GAD1: variants seen among roughly 807,000 people sequenced by gnomAD.
GAD1 encodes glutamate decarboxylase 1, also known as 67 kDa glutamic acid decarboxylase.
A neutral mutation model predicts 75.2 loss-of-function variants in GAD1; 35 were observed. That is an observed-to-expected ratio of 0.47 (90% CI 0.36 to 0.62). GAD1 has a LOEUF of 0.62. GAD1 is among the 20% of genes least tolerant of loss of function. The pLI is 0.00. For synonymous variants in GAD1, 257 were observed against 271.9 expected (o/e 0.95, Z 0.54); for missense variants, 490 against 758.5 (o/e 0.65, Z 4.16).
At chr2:170,848,771 A>G (rs1193857659) in intron 11 of GAD1, 1 of 518,994 alleles carries the variant, frequency 1.9e-6, no homozygotes, top group Non-Finnish European at 3.8e-6. Flanking sequence ...TGGCATCCCA[A>G]CTATTCAGTA....
chr2:170,822,200 C>T, intron 3 of GAD1, 51 bp downstream of exon 3: 1 of 1,499,294 alleles, frequency 6.7e-7, no homozygotes, highest in Non-Finnish European at 9.2e-7. Context: ...GCGGGCGGAC[C>T]TTTGGGGCTT....
At chr2:170,852,440 T>A (rs929882066) in intron 12 of GAD1, 2 of 472,356 alleles carry the variant, frequency 4.2e-6, no homozygotes, top group Non-Finnish European at 7.8e-6. Context: ...ACCATATTGA[T>A]ATAATACCTG....
chr2:170,853,803 G>T lies in GAD1; in HGVS notation c.1264-70G>T. The stretch of plus-strand genomic sequence containing the variant: ...GACCCCAAGCCCCTCCTTCCAAGCA[G>T]CCTAGTTTTAAAGCCACCCACATCT... On this transcript the variant is annotated intron_variant, in intron 13 of 16. Transcript: ENST00000358196. The surrounding 1 kb of genome is among the most constrained non-coding windows in gnomAD (Gnocchi z 4.1). 1 of 1,532,048 alleles carries T rather than the reference G, an allele frequency of 6.5e-7. No individual in the cohort carries two copies. The highest frequency in any genetic ancestry group is 9.0e-7 in the Non-Finnish European group (1 of 1,106,402). The allele number at this position is 1,532,048 out of a possible 1,614,324, so 94.9% of individuals were successfully genotyped here.
At chr2:170,851,598 A>C (rs1043833524) in intron 12 of GAD1, among the ~76,000 whole-genome samples, 1 of 152,242 alleles carries the variant, frequency 6.6e-6, no homozygotes, top group African/African-American at 2.4e-5. Context: ...TAGGGAGAGC[A>C]GAGGCAGGAT....
intron 3 of GAD1, among the ~76,000 whole-genome samples, chr2:170,825,111 C>T (rs1361272028): frequency 6.6e-6 from 1 of 152,058 alleles, no homozygotes; most frequent in Non-Finnish European, 1.5e-5. Context: ...AAAAAGAAGT[C>T]ATGGTGGCTC....
At chr2:170,849,776 G>A (rs183610219) in intron 12 of GAD1, among the ~76,000 whole-genome samples, 8 of 152,338 alleles carry the variant, frequency 5.3e-5, no homozygotes, top group Non-Finnish European at 8.8e-5. Flanking sequence ...ACAATTGCAG[G>A]TACCCAGGTA....
chr2:170,823,780 T>C (rs1350864404), intron 3 of GAD1, among the ~76,000 whole-genome samples: 1 of 151,936 alleles, frequency 6.6e-6, no homozygotes, highest in Admixed American at 6.6e-5. Context: ...CAGGCAGAAC[T>C]GAGCGAGCCC....
chr2:170,838,632 A>G (rs190857142), intron 6 of GAD1, among the ~76,000 whole-genome samples: 4 of 152,168 alleles, frequency 2.6e-5, no homozygotes, highest in Non-Finnish European at 4.4e-5. Flanking sequence ...ATGTATATAT[A>G]TGTCTCCAAT....
intron 12 of GAD1, among the ~76,000 whole-genome samples, chr2:170,851,849 C>A (rs1456229936): frequency 1.3e-5 from 2 of 152,158 alleles, no homozygotes; most frequent in African/African-American, 2.4e-5. Flanking sequence ...GCTTGTTAAG[C>A]TATCATTGCA....
Position 170,846,020 on chromosome 2 carries a change from T to A in GAD1, c.959T>A (p.Ile320Asn), listed in dbSNP as rs771879401. 6.2e-7 allele frequency: 1 copy of A among 1,613,502 alleles called. No individual in the cohort carries two copies. The highest frequency in any genetic ancestry group is 8.5e-7 in the Non-Finnish European group (1 of 1,179,538). Reference sequence around the variant, plus strand: ...TCCAATAATTATAGGGGGAAAATAATTCCAGCTGATTTTGAGGCAAAAATT... The same window carrying A: ...TCCAATAATTATAGGGGGAAAATAAATCCAGCTGATTTTGAGGCAAAAATT... The part of the protein sequence containing the change: ...LIKCNERGKI[I>N]PADFEAKILE... The change falls in exon 10 of 17, where the codon ATT becomes AAT. Residue 320 changes from isoleucine (I) to asparagine (N), a missense_variant. Physicochemically the swap from Ile to Asn is moderately radical, Grantham distance 149 (BLOSUM62 -3). Transcript: ENST00000358196.
At chr2:170,855,746 G>A (rs1020573871) in intron 14 of GAD1, among the ~76,000 whole-genome samples, 2 of 151,564 alleles carry the variant, frequency 1.3e-5, no homozygotes, top group African/African-American at 2.4e-5. Context: ...GATGACGCAT[G>A]CCTGTGGTCC....
rs1020743530 is a variant in GAD1 at position 170,860,880 on chromosome 2, T to G, written c.*998T>G. Reference sequence around the variant, plus strand: ...ATCTGCTCTTCTCTTACGCTCTCTGTCTGGCTGTACGTCTGGTGTTCTCAA... The same window carrying G: ...ATCTGCTCTTCTCTTACGCTCTCTGGCTGGCTGTACGTCTGGTGTTCTCAA... On this transcript the variant is annotated 3_prime_UTR_variant, in exon 17 of 17. Coordinates refer to ENST00000358196, the MANE Select transcript of GAD1 (RefSeq NM_000817.3). 6.5e-6 allele frequency: 1 copy of G among 152,682 alleles called. No homozygotes were observed. Among genetic ancestry groups the G allele is most frequent in the Non-Finnish European group, 1.5e-5 (1 of 68,050 alleles). The allele number at this position is 152,682 out of a possible 1,614,324, so 9.5% of individuals were successfully genotyped here.
At chr2:170,843,851 C>T (rs1391527755) in intron 6 of GAD1, 194 bp from the exon 7 acceptor site, 1 of 585,070 alleles carries the variant, frequency 1.7e-6, no homozygotes, top group Non-Finnish European at 3.1e-6. Flanking sequence ...CCACCTCTCT[C>T]AGTAACCCAG....
In GAD1 at chr2:170,818,363, C is replaced by A; in HGVS notation, c.-63-166C>A. On this transcript the variant is annotated intron_variant, in intron 1 of 16. Coordinates refer to ENST00000358196, the MANE Select transcript of GAD1 (RefSeq NM_000817.3). This position sits in a 1 kb window ranked among gnomAD's most constrained non-coding sequence, Gnocchi z 5.9. ...GCTAGCGCGCACGTCTCCTCCGCTGCCCCCACCCCTGCGCACCCCTACCAG... is the reference window on the plus strand; with the variant it reads ...GCTAGCGCGCACGTCTCCTCCGCTGACCCCACCCCTGCGCACCCCTACCAG... 1.7e-6 allele frequency: 1 copy of A among 586,974 alleles called. No individual in the cohort carries two copies. Among genetic ancestry groups the A allele is most frequent in the Non-Finnish European group, 3.1e-6 (1 of 326,344 alleles). 36.4% of individuals were successfully genotyped at this position (586,974 alleles called of 1,614,324 possible).
intron 16 of GAD1, among the ~76,000 whole-genome samples, 160 bp downstream of exon 16, chr2:170,859,053 C>T (rs1393536840): frequency 6.6e-6 from 1 of 152,106 alleles, no homozygotes; most frequent in African/African-American, 2.4e-5. Context: ...CTGTTATATT[C>T]CTCTTGAGCC....
intron 6 of GAD1, among the ~76,000 whole-genome samples, chr2:170,837,293 A>G (rs2105788312): frequency 6.6e-6 from 1 of 152,342 alleles, no homozygotes; most frequent in African/African-American, 2.4e-5. Context: ...CCCACAAACC[A>G]ATTTGATCAA....
chr2:170,816,527 A>G (rs1701701515), upstream of GAD1: 1 of 152,030 alleles, frequency 6.6e-6, no homozygotes, highest in East Asian at 1.9e-4. Flanking sequence ...GAGAGGGGAA[A>G]GGAGGGGAGG....
chr2:170,854,608 C>T (rs1024518532), intron 14 of GAD1, among the ~76,000 whole-genome samples: 8 of 152,184 alleles, frequency 5.3e-5, no homozygotes, highest in African/African-American at 9.6e-5. Flanking sequence ...GGTTTCACCG[C>T]GTTAGCCAGG....
Position 170,859,774 on chromosome 2 carries a change from AGGG to A in GAD1, c.1679_1681del (p.Gly560del). 6.2e-7 allele frequency: 1 copy of A among 1,614,192 alleles called. No individual in the cohort carries two copies. Among genetic ancestry groups the A allele is most frequent in the Non-Finnish European group, 8.5e-7 (1 of 1,180,032 alleles). On this transcript the variant is annotated inframe_deletion, in exon 17 of 17. Coordinates refer to ENST00000358196, the MANE Select transcript of GAD1 (RefSeq NM_000817.3). The stretch of plus-strand genomic sequence containing the variant: ...CGACCATGGTTGGCTACCAGCCCCA[AGGG>A]GACAAGGCCAACTTCTTCCGGATGG...
Sources: gnomAD v4.1 joint callset for allele counts (sites outside exome capture counted in the v4.1 genomes callset) on GRCh38, gnomAD v4.1.1 for gene constraint, Gnocchi (gnomAD v3.1) non-coding constraint, MANE v1.5 for transcripts, NCBI Gene and HGNC (gene_info 2026-07-23, HGNC 2026-07-21) for gene names.